WSCD2: variants seen among roughly 807,000 people sequenced by gnomAD.
WSCD2 encodes sialate:O-sulfotransferase 2.
WSCD2 carries 28 observed loss-of-function variants against 55.7 expected under a neutral mutation model. The observed-to-expected ratio is 0.50, with a 90% confidence interval of 0.37 to 0.69. The LOEUF is 0.69. Ranked by LOEUF, WSCD2 falls within the 30% of genes least tolerant of loss-of-function variation. WSCD2 has a pLI of 0.00. For missense variants in WSCD2, 616 were observed against 762.1 expected (o/e 0.81, Z 2.26); for synonymous variants, 301 against 301.9 (o/e 1.00, Z 0.03).
intron 1 of WSCD2, among the ~76,000 whole-genome samples, chr12:108,164,161 T>TTTTTTTTTTTTTTTTTTTTA (rs1555224811): frequency 6.9e-6 from 1 of 145,982 alleles, no homozygotes; most frequent in Non-Finnish European, 1.5e-5. Context: ...TTTTTTTTTT[T>TTTTTTTTTTTTTTTTTTTTA]TCAGAGAGGG....
chr12:108,136,373 C>T (rs1174779262), intron 1 of WSCD2, among the ~76,000 whole-genome samples: 1 of 68,298 alleles, frequency 1.5e-5, no homozygotes, highest in Non-Finnish European at 3.3e-5. Flanking sequence ...CATATGATCA[C>T]GAAGGACTTC....
chr12:108,228,804 G>A (rs1888415524), intron 6 of WSCD2, among the ~76,000 whole-genome samples: 1 of 152,186 alleles, frequency 6.6e-6, no homozygotes, highest in East Asian at 1.9e-4. Flanking sequence ...CTGTTTCTAT[G>A]GTAGCTAAAG....
Position 108,196,072 on chromosome 12 carries a change from T to C in WSCD2, c.240T>C (p.Gly80=), listed in dbSNP as rs1406267985. ...MHLGRGFRDT[G]EASSIARRYG... is the part of the protein sequence containing the mutation. ...TGGGCAGAGGTTTCCGGGACACAGG[T>C]GAAGCCTCAAGCATTGCTCGCAGGT... is the stretch of plus-strand genomic sequence containing the variant. Residue 80 remains glycine (G), a synonymous_variant, in exon 2 of 9, where the codon GGT becomes GGC. Transcript: ENST00000547525. 2.5e-6 allele frequency: 4 copies of C among 1,614,030 alleles called. No individual in the cohort carries two copies. Among genetic ancestry groups the C allele is most frequent in the Non-Finnish European group, 3.4e-6 (4 of 1,180,012 alleles).
chr12:108,173,172 C>T (rs1347340009), intron 1 of WSCD2, among the ~76,000 whole-genome samples: 1 of 152,132 alleles, frequency 6.6e-6, no homozygotes, highest in Non-Finnish European at 1.5e-5. Flanking sequence ...AGACATGGCA[C>T]CCTTGCTGCT....
intron 1 of WSCD2, among the ~76,000 whole-genome samples, chr12:108,140,097 G>A (rs1050812539): frequency 7.2e-5 from 11 of 152,174 alleles, no homozygotes; most frequent in African/African-American, 2.4e-4. Context: ...AGGTACACGG[G>A]GTAGAATGAT....
intron 1 of WSCD2, among the ~76,000 whole-genome samples, chr12:108,172,032 G>A (rs1174328189): frequency 6.6e-6 from 1 of 152,208 alleles, no homozygotes; most frequent in Non-Finnish European, 1.5e-5. Flanking sequence ...CCATTGTTGA[G>A]AGTTAATATA....
intron 1 of WSCD2, among the ~76,000 whole-genome samples, chr12:108,188,188 G>T (rs533058044): frequency 6.6e-6 from 1 of 152,236 alleles, no homozygotes; most frequent in Admixed American, 6.5e-5. Flanking sequence ...GTGAGCGTAG[G>T]GTAGTGCTGA....
chr12:108,130,957 A>G (rs11113753), intron 1 of WSCD2, among the ~76,000 whole-genome samples: 32,169 of 152,078 alleles, frequency 0.21, 3,533 homozygotes, highest in African/African-American at 0.22. Context: ...GGATCATTTT[A>G]GAGCCGCCCC....
chr12:108,158,086 C>T (rs567926423), intron 1 of WSCD2, among the ~76,000 whole-genome samples: 4 of 152,238 alleles, frequency 2.6e-5, no homozygotes, highest in East Asian at 3.9e-4. Context: ...CCTGTACTTA[C>T]GGGATGTCTG....
intron 1 of WSCD2, among the ~76,000 whole-genome samples, chr12:108,136,238 G>A (rs1235734439): frequency 6.7e-6 from 1 of 149,618 alleles, no homozygotes; most frequent in East Asian, 2.0e-4. Flanking sequence ...ACAGTAGGAG[G>A]CAGGTGACAA....
chr12:108,234,567 A>G (rs1397966571), intron 7 of WSCD2, among the ~76,000 whole-genome samples: 1 of 152,254 alleles, frequency 6.6e-6, no homozygotes, highest in Non-Finnish European at 1.5e-5. Flanking sequence ...TGCTTATATC[A>G]GGATTTGAAC....
intron 1 of WSCD2, among the ~76,000 whole-genome samples, chr12:108,187,589 A>C (rs1282115128): frequency 6.6e-6 from 1 of 152,224 alleles, no homozygotes; most frequent in Admixed American, 6.5e-5. Flanking sequence ...AACAAGTGGA[A>C]CCTTTCTTAT....
At chr12:108,231,873 G>A (rs1888796165) in intron 6 of WSCD2, among the ~76,000 whole-genome samples, 1 of 152,280 alleles carries the variant, frequency 6.6e-6, no homozygotes, top group Admixed American at 6.5e-5. Flanking sequence ...ATAGCCCAGG[G>A]AGTCAGGAAA....
chr12:108,129,489 C>T lies in WSCD2; in HGVS notation c.-989C>T, dbSNP rs1255071637. On this transcript the variant is annotated 5_prime_UTR_variant, in exon 1 of 9. Coordinates refer to ENST00000547525, the MANE Select transcript of WSCD2 (RefSeq NM_014653.4). ...CATCTCCATCCCCGGGGCGGGTGCC[C>T]GCGCGGGGCCTCGCCGCGGCTCGGG... 1 of 151,408 alleles carries T rather than the reference C, an allele frequency of 6.6e-6. No homozygotes were observed. Among genetic ancestry groups the T allele is most frequent in the Non-Finnish European group, 1.5e-5 (1 of 67,746 alleles). The allele number at this position is 151,408 out of a possible 1,614,324, so 9.4% of individuals were successfully genotyped here.
chr12:108,170,435 T>C (rs1880117193), intron 1 of WSCD2, among the ~76,000 whole-genome samples: 1 of 151,990 alleles, frequency 6.6e-6, no homozygotes, highest in South Asian at 2.1e-4. Context: ...GGGATGATGA[T>C]ATTGACAACA....
At position 108,225,910 on chromosome 12, in the gene WSCD2, C is replaced by A. The variant is rs75155019; in HGVS notation, c.804+1050C>A. 9.8e-3 allele frequency among the ~76,000 whole-genome samples: 1,493 copies of A among 152,226 alleles called. 17 individuals are homozygous for A. The highest frequency in any genetic ancestry group is 0.032 in the African/African-American group (1,314 of 41,522). On this transcript the variant is annotated intron_variant, in intron 5 of 8. Coordinates refer to ENST00000547525, the MANE Select transcript of WSCD2 (RefSeq NM_014653.4). ...AAGATGGTTGGGCATTTCATTCATTCTAGAGAGTAGTTGAGGGTAGAGAGG... is the reference window on the plus strand; with the variant it reads ...AAGATGGTTGGGCATTTCATTCATTATAGAGAGTAGTTGAGGGTAGAGAGG...
chr12:108,152,614 C>T (rs1878122147), intron 1 of WSCD2, among the ~76,000 whole-genome samples: 1 of 152,098 alleles, frequency 6.6e-6, no homozygotes, highest in African/African-American at 2.4e-5. Context: ...TTAACCGGGG[C>T]CATCCCAGAA....
chr12:108,165,057 G>T (rs1317541096), intron 1 of WSCD2, among the ~76,000 whole-genome samples: 1 of 152,202 alleles, frequency 6.6e-6, no homozygotes, highest in Non-Finnish European at 1.5e-5. Flanking sequence ...CAGAAGTCAG[G>T]CTTAAATCTG....
intron 1 of WSCD2, 27 bp from the exon 2 acceptor site, chr12:108,195,255 C>A (rs1883769233): frequency 6.5e-6 from 1 of 152,990 alleles, no homozygotes; most frequent in Non-Finnish European, 1.5e-5. Context: ...AGGGGCTTCT[C>A]ATGCCTGTGT....
Sources: allele counts gnomAD v4.1 joint callset (sites outside exome capture counted in the v4.1 genomes callset), GRCh38; gene constraint gnomAD v4.1.1; transcripts MANE v1.5; gene names NCBI Gene and HGNC (gene_info 2026-07-23, HGNC 2026-07-21).